Variants in MUC6 observed in about 807,000 individuals in gnomAD.
The protein encoded by MUC6 is mucin 6, oligomeric mucus/gel-forming (gene/pseudogene).
A neutral mutation model predicts 201.5 loss-of-function variants in MUC6; 188 were observed. That is an observed-to-expected ratio of 0.93 (90% CI 0.83 to 1.05). The LOEUF is 1.05. Among genes scored for constraint, MUC6 ranks in the 50% least tolerant of loss-of-function variants. The pLI is 0.00. For missense variants in MUC6, 2,706 were observed against 3,256.9 expected (o/e 0.83, Z 4.12); for synonymous variants, 1,228 against 1,389.4 (o/e 0.88, Z 2.58).
intron 24 of MUC6, 139 bp from the exon 25 acceptor site, chr11:1,024,242 G>A (rs1209110568): frequency 1.2e-5 from 13 of 1,061,776 alleles, no homozygotes; most frequent in Non-Finnish European, 1.6e-5. Flanking sequence ...GGCACCACGT[G>A]GACCTCAGCC....
chr11:1,027,716 G>T lies in MUC6; in HGVS notation c.1950C>A (p.Leu650=). Residue 650 remains leucine, a synonymous_variant, in exon 16 of 33, where the codon CTC becomes CTA. Coordinates refer to ENST00000421673, the MANE Select transcript of MUC6 (RefSeq NM_005961.3). The stretch of plus-strand genomic sequence containing the variant: ...TGTCCACACTGCTTCTCCAGCCCCA[G>T]AGCAGGACGCCCCGCAAGGAGCAGG... ...VHACSLRGVL[L]WGWRSSVDNC... 1 of 1,605,502 alleles carries T rather than the reference G, an allele frequency of 6.2e-7. No individual in the cohort carries two copies. Among genetic ancestry groups the T allele is most frequent in the Non-Finnish European group, 8.5e-7 (1 of 1,176,730 alleles).
rs1179176028 is a variant in MUC6, at chr11:1,030,610, G to A, written c.855C>T (p.Gly285=). Residue 285 remains glycine, a synonymous_variant, in exon 7 of 33, where the codon GGC becomes GGT. Coordinates refer to ENST00000421673, the MANE Select transcript of MUC6 (RefSeq NM_005961.3). ...GGCTCCGCCAGCGGCGGACCGGCTG[G>A]CCCACCATGCTGCACTGGCGGGAGT... ...SEYSRQCSMV[G]QPVRRWRSPG... 2.0e-6 allele frequency: 3 copies of A among 1,533,948 alleles called. No individual in the cohort carries two copies. The highest frequency in any genetic ancestry group is 2.0e-5 in the Admixed American group (1 of 51,246).
intron 31 of MUC6, among the ~76,000 whole-genome samples, chr11:1,014,617 C>T (rs1856559577): frequency 1.3e-5 from 2 of 152,126 alleles, no homozygotes; most frequent in African/African-American, 2.4e-5. Flanking sequence ...GCAGTGGCAG[C>T]GTTGGCATTA....
At position 1,013,208 on chromosome 11, in the gene MUC6, G is replaced by T. The variant is rs1420762227; in HGVS notation, c.*248C>A. On this transcript the variant is annotated 3_prime_UTR_variant, in exon 33 of 33. Transcript: ENST00000421673. The stretch of plus-strand genomic sequence containing the variant: ...CGGGAGTGCCCTGTGTGCCTGGGAG[G>T]TCCGTGACCACTGTCCGCCTCAGTC... 2 of 550,196 alleles carry T rather than the reference G, an allele frequency of 3.6e-6. No individual in the cohort carries two copies. Among genetic ancestry groups the T allele is most frequent in the Non-Finnish European group, 6.4e-6 (2 of 313,352 alleles). 34.1% of individuals were successfully genotyped at this position (550,196 alleles called of 1,614,324 possible). A position where few individuals can be genotyped will look rare whatever the true frequency, so the allele number is the denominator to read the frequency against.
rs755687499 is a variant in MUC6 at position 1,025,776 on chromosome 11, G to A, written c.2799+29C>T. ...GGCAGGGCCCCCTACCGCCCGTCCT[G>A]CCCTGCCAGAGTCTGCCCGGCTGCT... On this transcript the variant is annotated intron_variant, in intron 22 of 32. Transcript: ENST00000421673. The A allele has an allele frequency of 1.1e-5, 17 of 1,587,478 alleles. No homozygotes were observed. In the South Asian group the frequency reaches 1.9e-4, roughly 18 times the overall value.
rs761231423 is a variant in MUC6 at position 1,031,950 on chromosome 11, G to A, written c.219C>T (p.Ala73=). 9.9e-6 allele frequency: 16 copies of A among 1,613,474 alleles called. No individual in the cohort carries two copies. The highest frequency in any genetic ancestry group is 2.2e-5 in the East Asian group (1 of 44,894). ...AGGTGGGGAAGGCGTCCTTGCAGGT[G>A]GCCGCGAAGATGTAGTTGCACGTCC... is the stretch of plus-strand genomic sequence containing the variant. ...FSGTCNYIFA[A]TCKDAFPTFS... is the part of the protein sequence containing the mutation. Residue 73 remains alanine, a synonymous_variant, in exon 3 of 33, where the codon GCC becomes GCT. Coordinates refer to ENST00000421673, the MANE Select transcript of MUC6 (RefSeq NM_005961.3).
At position 1,024,893 on chromosome 11, in the gene MUC6, C is replaced by A. The variant is rs181067917; in HGVS notation, c.3176G>T (p.Arg1059Leu). 3 of 1,612,550 alleles carry A rather than the reference C, an allele frequency of 1.9e-6. No homozygotes were observed. The highest frequency in any genetic ancestry group is 1.3e-5 in the African/African-American group (1 of 74,948). ...LNAFRRSWAE[R>L]KCSVINSQTF... ...CTGGCTGTTGATGACGCTGCACTTG[C>A]GCTCGGCCCAGGAGCGCCGGAAGGC... Residue 1059 changes from arginine (R) to leucine (L), a missense_variant, in exon 24 of 33, where the codon CGC becomes CTC. Around this residue, in one of 10 missense-constraint regions of MUC6, gnomAD observed 1,850 missense variants for 1,958.3 expected, o/e 0.94. Coordinates refer to ENST00000421673, the MANE Select transcript of MUC6 (RefSeq NM_005961.3).
intron 20 of MUC6, 78 bp from the exon 21 acceptor site, chr11:1,026,219 T>C: frequency 6.5e-7 from 1 of 1,526,882 alleles, no homozygotes; most frequent in Non-Finnish European, 8.8e-7. Context: ...GAGGCCAGAC[T>C]GCACCTCTGG....
chr11:1,030,615 C>G lies in MUC6; in HGVS notation c.850G>C (p.Val284Leu). 1 of 1,534,724 alleles carries G rather than the reference C, an allele frequency of 6.5e-7. No homozygotes were observed. The highest frequency in any genetic ancestry group is 8.8e-7 in the Non-Finnish European group (1 of 1,140,442). ...LSEYSRQCSMVGQPVRRWRSP... is the reference protein window; with the variant it reads ...LSEYSRQCSMLGQPVRRWRSP... ...CGCCAGCGGCGGACCGGCTGGCCCA[C>G]CATGCTGCACTGGCGGGAGTACTCC... Residue 284 changes from valine to leucine, a missense_variant, in exon 7 of 33, where the codon GTG becomes CTG. Val to Leu is a conservative substitution (Grantham distance 32). Transcript: ENST00000421673.
chr11:1,032,460 TTGTG>T (rs890865927), intron 2 of MUC6, among the ~76,000 whole-genome samples: 5 of 149,010 alleles, frequency 3.4e-5, no homozygotes, highest in South Asian at 2.2e-4. Flanking sequence ...ACATGTGTGT[TTGTG>T]TGAGCTGGGC....
At chr11:1,034,125 C>T (rs531650646) in intron 1 of MUC6, among the ~76,000 whole-genome samples, 4 of 152,340 alleles carry the variant, frequency 2.6e-5, no homozygotes, top group South Asian at 4.1e-4. Context: ...GTGTTAACCG[C>T]GGTCCAGGGA....
At chr11:1,030,517 GC>G in intron 7 of MUC6, 55 bp downstream of exon 7, 1 of 1,459,256 alleles carries the variant, frequency 6.9e-7, no homozygotes, top group Non-Finnish European at 9.1e-7. Context: ...GGCTGGGAGA[GC>G]TGGGTCTGGA....
chr11:1,026,566 G>A lies in MUC6; in HGVS notation c.2395-88C>T, dbSNP rs1856965090. The A allele has an allele frequency of 2.9e-5, 40 of 1,362,362 alleles. No individual in the cohort carries two copies. The South Asian group carries it at 6.1e-4, about 21-fold the overall frequency. 84.4% of individuals were successfully genotyped at this position (1,362,362 alleles called of 1,614,324 possible). ...GGGCCCCTCTGAGACTGCCCGGCGT[G>A]TCTCCCAGGTCCTCTCCCTGAATAC... On this transcript the variant is annotated intron_variant, in intron 19 of 32. Transcript: ENST00000421673.
At position 1,029,119 on chromosome 11, in the gene MUC6, A is replaced by G. The variant is rs779856849; in HGVS notation, c.1307T>C (p.Met436Thr). 2.0e-5 allele frequency: 33 copies of G among 1,612,396 alleles called. No homozygotes were observed. In the South Asian group the frequency reaches 3.6e-4, roughly 18 times the overall value. Residue 436 changes from methionine (M) to threonine (T), a missense_variant, in exon 11 of 33, where the codon ATG becomes ACG. Transcript: ENST00000421673. ...GACGCCGGACTTGTCGTACACAGCC[A>G]TGAGGGCACCGTCCTCGGGAAGCTG... is the stretch of plus-strand genomic sequence containing the variant. ...SPQLPEDGALMAVYDKSGVSH... is the reference protein window; with the variant it reads ...SPQLPEDGALTAVYDKSGVSH...
At chr11:1,030,468 G>A in intron 7 of MUC6, 105 bp downstream of exon 7, 1 of 1,414,288 alleles carries the variant, frequency 7.1e-7, no homozygotes, top group African/African-American at 1.4e-5. Context: ...CTGTCTCTCA[G>A]ACCAGGAGGG....
At chr11:1,027,104 C>T in intron 18 of MUC6, 37 bp downstream of exon 18, 1 of 1,611,342 alleles carries the variant, frequency 6.2e-7, no homozygotes, top group East Asian at 2.2e-5. Flanking sequence ...CGGGGCCCCT[C>T]ACAGTCCCAG....
At position 1,033,505 on chromosome 11, in the gene MUC6, G is replaced by T. The variant is rs1218988218; in HGVS notation, c.53-430C>A. Among the ~76,000 whole-genome samples the T allele has an allele frequency of 6.6e-6, 1 of 151,068 alleles. No homozygotes were observed. Among genetic ancestry groups the T allele is most frequent in the Admixed American group, 6.6e-5 (1 of 15,190 alleles). The stretch of plus-strand genomic sequence containing the variant: ...GCCGCCTGGTTTCCCTGAGGGGTCT[G>T]CGCCAAGGCCCCACAGCCGGTTCTC... On this transcript the variant is annotated intron_variant, in intron 1 of 32. Transcript: ENST00000421673. The surrounding 1 kb of genome is among the most constrained non-coding windows in gnomAD (Gnocchi z 5.6).
At position 1,026,144 on chromosome 11, in the gene MUC6, G is replaced by A. The variant is rs1246888396; in HGVS notation, c.2547-3C>T. 2.5e-6 allele frequency: 4 copies of A among 1,593,042 alleles called. No homozygotes were observed. Among genetic ancestry groups the A allele is most frequent in the Admixed American group, 3.5e-5 (2 of 57,414 alleles). On this transcript the variant is annotated splice_region_variant and splice_polypyrimidine_tract_variant and intron_variant, in intron 20 of 32. Coordinates refer to ENST00000421673, the MANE Select transcript of MUC6 (RefSeq NM_005961.3). ...CCCACCTCCCCCTTGAGCAGGAGCT[G>A]TGGAGACAGCAGGTGTGGGTGGTGG... is the stretch of plus-strand genomic sequence containing the variant.
At chr11:1,032,931 G>A (rs765421225) in intron 2 of MUC6, 82 bp downstream of exon 2, 224 of 1,279,160 alleles carry the variant, frequency 1.8e-4, no homozygotes, top group Non-Finnish European at 2.4e-4. Context: ...TCTTGGGGGT[G>A]ACCTGGGCTC....
Sources: allele counts gnomAD v4.1 joint callset (sites outside exome capture counted in the v4.1 genomes callset), GRCh38; gene constraint gnomAD v4.1.1; regional missense constraint gnomAD v4.1.1; non-coding constraint Gnocchi (gnomAD v3.1); transcripts MANE v1.5; gene names NCBI Gene and HGNC (gene_info 2026-07-23, HGNC 2026-07-21).